Variants in TRIM44 observed in about 807,000 individuals in gnomAD.
TRIM44 encodes the protein tripartite motif containing 44.
Under a neutral mutation model 37.4 loss-of-function variants are expected in TRIM44, and 13 were observed. That is an observed-to-expected ratio of 0.35 (90% confidence interval 0.23 to 0.55). TRIM44 has a LOEUF of 0.55. Ranked by LOEUF, TRIM44 falls within the 20% of genes least tolerant of loss-of-function variation. The probability of loss-of-function intolerance (pLI) is 0.89; values close to 1 mark genes in which losing one functional copy is unlikely to be tolerated. For missense variants in TRIM44, 426 were observed against 437.2 expected, an observed-to-expected ratio of 0.97 and a Z score of 0.23; for synonymous variants, 175 against 157.2, an observed-to-expected ratio of 1.11 and a Z score of -0.85.
At position 35,810,643 on chromosome 11, in the gene TRIM44, T is replaced by C. The variant is rs1227857237; in HGVS notation, c.*4258T>C. Reference sequence around the variant, plus strand: ...GCCAGAGCAGAAAAATGAAAATAAGTGGAGACACTTATGGATACATTGGTG... The same window carrying C: ...GCCAGAGCAGAAAAATGAAAATAAGCGGAGACACTTATGGATACATTGGTG... On this transcript the variant is annotated 3_prime_UTR_variant, in exon 5 of 5. Transcript: ENST00000299413. 6.6e-6 allele frequency: 1 copy of C among 152,068 alleles called. No homozygotes were observed. Among genetic ancestry groups the C allele is most frequent in the Non-Finnish European group, 1.5e-5 (1 of 68,012 alleles). The allele number at this position is 152,068 out of a possible 1,614,324, so 9.4% of individuals were successfully genotyped here.
At chr11:35,776,297 G>A (rs1485197217) in intron 4 of TRIM44, among the ~76,000 whole-genome samples, 1 of 152,200 alleles carries the variant, frequency 6.6e-6, no homozygotes, top group Non-Finnish European at 1.5e-5. Flanking sequence ...TGTGGGATCA[G>A]TGGTGATATC....
chr11:35,796,852 A>G (rs1273641419), intron 4 of TRIM44, among the ~76,000 whole-genome samples: 1 of 152,240 alleles, frequency 6.6e-6, no homozygotes, highest in Non-Finnish European at 1.5e-5. Context: ...AGACCCATAC[A>G]TGCATATATA....
At chr11:35,686,805 G>T (rs554163513) in intron 2 of TRIM44, among the ~76,000 whole-genome samples, 5 of 152,174 alleles carry the variant, frequency 3.3e-5, no homozygotes, top group African/African-American at 1.2e-4. Flanking sequence ...TGATCTGCCC[G>T]CCTCAGTCTC....
At chr11:35,707,300 G>C (rs1851899756) in intron 2 of TRIM44, among the ~76,000 whole-genome samples, 3 of 152,108 alleles carry the variant, frequency 2.0e-5, no homozygotes, top group Non-Finnish European at 4.4e-5. Context: ...CATGCTCATG[G>C]GTAGGAAGAA....
Position 35,806,472 on chromosome 11 carries a change from G to A in TRIM44, c.*87G>A. On this transcript the variant is annotated 3_prime_UTR_variant, in exon 5 of 5. Coordinates refer to ENST00000299413, the MANE Select transcript of TRIM44 (RefSeq NM_017583.6). ...GTAACGGCTTCTGATTTCTGTGAAA[G>A]CTGCTCAGCAACAAACGTACTTCCA... The A allele has an allele frequency of 6.8e-7, 1 of 1,467,972 alleles. No individual in the cohort carries two copies. Among genetic ancestry groups the A allele is most frequent in the Admixed American group, 1.7e-5 (1 of 59,360 alleles). The allele number at this position is 1,467,972 out of a possible 1,614,324, so 90.9% of individuals were successfully genotyped here. A position where few individuals can be genotyped will look rare whatever the true frequency, so the allele number is the denominator to read the frequency against.
intron 4 of TRIM44, among the ~76,000 whole-genome samples, chr11:35,798,072 A>G (rs1486374548): frequency 1.3e-5 from 2 of 152,218 alleles, no homozygotes; most frequent in Admixed American, 6.5e-5. Flanking sequence ...TTCAATCAAT[A>G]TATGTAAGAT....
At chr11:35,696,636 CAA>C (rs1451610989) in intron 2 of TRIM44, among the ~76,000 whole-genome samples, 2 of 151,286 alleles carry the variant, frequency 1.3e-5, no homozygotes, top group African/African-American at 4.8e-5. Flanking sequence ...ATCACGAGGT[CAA>C]GAGATCAAGA....
chr11:35,794,396 A>G (rs184342231), intron 4 of TRIM44, among the ~76,000 whole-genome samples: 4 of 152,388 alleles, frequency 2.6e-5, no homozygotes, highest in Admixed American at 2.0e-4. Flanking sequence ...TAGAGAAGCC[A>G]GATGAGAACA....
chr11:35,676,113 G>A lies in TRIM44; in HGVS notation c.670-9146G>A, dbSNP rs116470159. Among the ~76,000 whole-genome samples the A allele has an allele frequency of 8.3e-3, 1,268 of 152,274 alleles. 24 individuals carry two copies. Among genetic ancestry groups the A allele is most frequent in the African/African-American group, 0.029 (1,194 of 41,540 alleles). On this transcript the variant is annotated intron_variant, in intron 1 of 4. Transcript: ENST00000299413. ...TGTATAATGTTGAGTAATTCACTCAGCCTCTGAGTCTTGGTTTCTTCTTCT... is the reference window on the plus strand; with the variant it reads ...TGTATAATGTTGAGTAATTCACTCAACCTCTGAGTCTTGGTTTCTTCTTCT...
At chr11:35,765,445 C>T (rs112939208) in intron 4 of TRIM44, among the ~76,000 whole-genome samples, 4 of 152,316 alleles carry the variant, frequency 2.6e-5, no homozygotes, top group African/African-American at 4.8e-5. Flanking sequence ...GATGTTGACT[C>T]ATTCCGACCA....
intron 4 of TRIM44, among the ~76,000 whole-genome samples, chr11:35,779,075 G>T (rs534970983): frequency 1.3e-5 from 2 of 152,302 alleles, no homozygotes; most frequent in East Asian, 3.9e-4. Context: ...AGGCCTCCTT[G>T]AGCTGCAGTG....
At chr11:35,712,235 A>G (rs1246983705) in intron 2 of TRIM44, among the ~76,000 whole-genome samples, 4 of 152,182 alleles carry the variant, frequency 2.6e-5, no homozygotes, top group African/African-American at 7.2e-5. Context: ...GAAGAAATCA[A>G]TGCATTGAAG....
Position 35,813,379 on chromosome 11 carries a change from C to A in TRIM44, c.*6994C>A, listed in dbSNP as rs1344338376. On this transcript the variant is annotated 3_prime_UTR_variant, in exon 5 of 5. Coordinates refer to ENST00000299413, the MANE Select transcript of TRIM44 (RefSeq NM_017583.6). ...AGAAGTAAGCAAACAAGGCTTCCAA[C>A]CAATTGAAATAAATACCATGAAGCA... The A allele has an allele frequency of 6.6e-6, 1 of 152,148 alleles. No homozygotes were observed. The highest frequency in any genetic ancestry group is 2.4e-5 in the African/African-American group (1 of 41,418). The allele number at this position is 152,148 out of a possible 1,614,324, so 9.4% of individuals were successfully genotyped here.
At chr11:35,768,601 A>G (rs956433850) in intron 4 of TRIM44, among the ~76,000 whole-genome samples, 2 of 152,202 alleles carry the variant, frequency 1.3e-5, no homozygotes, top group African/African-American at 4.8e-5. Flanking sequence ...TATTTCAAAA[A>G]CTTTAATGGA....
intron 4 of TRIM44, among the ~76,000 whole-genome samples, chr11:35,799,554 G>A (rs1853338717): frequency 1.3e-5 from 2 of 152,064 alleles, no homozygotes; most frequent in South Asian, 4.2e-4. Context: ...AAAACATTTT[G>A]CCTCAGAAAA....
intron 3 of TRIM44, among the ~76,000 whole-genome samples, chr11:35,731,926 G>A (rs114809249): frequency 0.013 from 1,940 of 152,046 alleles, 44 homozygotes; most frequent in African/African-American, 0.044. Context: ...TAAATGTCAT[G>A]TTTCTGGCTA....
intron 2 of TRIM44, among the ~76,000 whole-genome samples, chr11:35,687,693 C>T (rs932745322): frequency 1.3e-5 from 2 of 152,152 alleles, no homozygotes; most frequent in African/African-American, 4.8e-5. Context: ...TGATGGAAAG[C>T]TTGCCAGAAA....
At chr11:35,764,717 C>T (rs1852771023) in intron 4 of TRIM44, among the ~76,000 whole-genome samples, 1 of 152,082 alleles carries the variant, frequency 6.6e-6, no homozygotes, top group Non-Finnish European at 1.5e-5. Context: ...CACCTTGCAT[C>T]GTAGGAAGTA....
Position 35,812,131 on chromosome 11 carries a change from A to G in TRIM44, c.*5746A>G, listed in dbSNP as rs1373722143. ...CATTGCCCCAGCCCTTTCTTGTTTT[A>G]TCTTTCCCTCTGAAAGCTACAACTC... is the stretch of plus-strand genomic sequence containing the variant. On this transcript the variant is annotated 3_prime_UTR_variant, in exon 5 of 5. Transcript: ENST00000299413. 6.6e-6 allele frequency: 1 copy of G among 152,122 alleles called. No homozygotes were observed. The allele number at this position is 152,122 out of a possible 1,614,324, so 9.4% of individuals were successfully genotyped here.
Sources: gnomAD v4.1 joint callset for allele counts (sites outside exome capture counted in the v4.1 genomes callset) on GRCh38, gnomAD v4.1.1 for gene constraint, MANE v1.5 for transcripts, NCBI Gene and HGNC (gene_info 2026-07-23, HGNC 2026-07-21) for gene names.